Variants in RBFOX1 observed in about 807,000 individuals in gnomAD.
The protein encoded by RBFOX1 is RNA binding protein fox-1 homolog 1.
In RBFOX1, 8 loss-of-function variants were observed where a neutral mutation model predicts 57.7. That is an observed-to-expected ratio of 0.14 (90% CI 0.08 to 0.25). The LOEUF is 0.25. Among genes scored for constraint, RBFOX1 ranks in the 10% least tolerant of loss-of-function variants. RBFOX1 has a pLI of 1.00. For synonymous variants in RBFOX1, 326 were observed against 222.4 expected (o/e 1.47, Z -4.15); for missense variants, 611 against 548.5 (o/e 1.11, Z -1.14).
At chr16:6,307,559 A>G (rs1332592033) in intron 1 of RBFOX1, among the ~76,000 whole-genome samples, 1 of 148,908 alleles carries the variant, frequency 6.7e-6, no homozygotes, top group African/African-American at 2.4e-5. Context: ...ATTATATAAT[A>G]TCATTTAATA....
intron 4 of RBFOX1, among the ~76,000 whole-genome samples, chr16:5,900,143 T>C (rs2058270818): frequency 6.6e-6 from 1 of 152,126 alleles, no homozygotes; most frequent in Non-Finnish European, 1.5e-5. Context: ...ATTGTACCTT[T>C]GTTTGGGCAG....
intron 4 of RBFOX1, among the ~76,000 whole-genome samples, chr16:7,301,754 A>T (rs2096039724): frequency 6.6e-6 from 1 of 152,178 alleles, no homozygotes; most frequent in Non-Finnish European, 1.5e-5. Context: ...AGAAAAAAAA[A>T]TAAAGGAAAG....
chr16:5,554,757 C>G (rs1464458093), intron 2 of RBFOX1, among the ~76,000 whole-genome samples: 2 of 152,176 alleles, frequency 1.3e-5, no homozygotes, highest in Non-Finnish European at 2.9e-5. Flanking sequence ...CAAAGAGAAG[C>G]AAGGAATGAA....
At chr16:6,616,876 T>C (rs1245104790) in intron 2 of RBFOX1, among the ~76,000 whole-genome samples, 1 of 152,248 alleles carries the variant, frequency 6.6e-6, no homozygotes, top group Non-Finnish European at 1.5e-5. Context: ...CCTCTGTCTG[T>C]TTATGTAAAT....
intron 5 of RBFOX1, among the ~76,000 whole-genome samples, chr16:7,564,578 C>T (rs2091247914): frequency 7.4e-6 from 1 of 135,234 alleles, no homozygotes; most frequent in Non-Finnish European, 1.5e-5. Context: ...AGGCACTCAT[C>T]TGCAAGCCAG....
Position 7,304,131 on chromosome 16 carries a change from C to T in RBFOX1, c.28-214016C>T, listed in dbSNP as rs556433672. The T allele has an allele frequency of 6.2e-5, 51 of 826,930 alleles. No homozygotes were observed. In the South Asian group the frequency reaches 2.5e-3, roughly 41 times the overall value. 51.2% of individuals were successfully genotyped at this position (826,930 alleles called of 1,614,324 possible). A position where few individuals can be genotyped will look rare whatever the true frequency, so the allele number is the denominator to read the frequency against. On this transcript the variant is annotated intron_variant, in intron 4 of 15. Transcript: ENST00000550418. ...CGCCGGGATCTAGCACATCCCCAGG[C>T]GGGGAGAGCCAGGGAGGAGGGACCG...
chr16:5,691,133 G>C (rs1409790821), intron 3 of RBFOX1, among the ~76,000 whole-genome samples: 2 of 152,328 alleles, frequency 1.3e-5, no homozygotes. Flanking sequence ...CTTAGAGATA[G>C]TTGTTAAGTT....
At chr16:7,478,538 T>A (rs2151138088) in intron 4 of RBFOX1, among the ~76,000 whole-genome samples, 1 of 152,302 alleles carries the variant, frequency 6.6e-6, no homozygotes, top group East Asian at 1.9e-4. Flanking sequence ...TGAAGTTCCT[T>A]CTAACCCTGA....
intron 1 of RBFOX1, among the ~76,000 whole-genome samples, chr16:6,266,844 T>A (rs1358574136): frequency 6.6e-6 from 1 of 152,288 alleles, no homozygotes; most frequent in Admixed American, 6.5e-5. Flanking sequence ...TCATAATTAG[T>A]TTTTTTGTCT....
chr16:6,570,625 A>G (rs1426345732), intron 2 of RBFOX1, among the ~76,000 whole-genome samples: 3 of 152,226 alleles, frequency 2.0e-5, no homozygotes, highest in African/African-American at 2.4e-5. Flanking sequence ...TTAACAGCAT[A>G]TAAAGACAAA....
chr16:6,946,479 G>T (rs1245360287), intron 3 of RBFOX1, among the ~76,000 whole-genome samples: 1 of 152,162 alleles, frequency 6.6e-6, no homozygotes, highest in South Asian at 2.1e-4. Flanking sequence ...TGGGCTTTCT[G>T]CATAGCCTGT....
intron 4 of RBFOX1, among the ~76,000 whole-genome samples, chr16:7,327,239 A>T (rs2096623089): frequency 6.6e-6 from 1 of 152,226 alleles, no homozygotes; most frequent in African/African-American, 2.4e-5. Flanking sequence ...TCTGCATAGC[A>T]GGCAAGTTTA....
intron 1 of RBFOX1, among the ~76,000 whole-genome samples, chr16:6,205,934 C>G (rs1196206392): frequency 7.3e-6 from 1 of 137,284 alleles, no homozygotes; most frequent in Non-Finnish European, 1.5e-5. Context: ...TTTTTGATAG[C>G]CAGTGCACCT....
intron 14 of RBFOX1, among the ~76,000 whole-genome samples, chr16:7,701,086 T>C (rs2080533542): frequency 6.6e-6 from 1 of 151,966 alleles, no homozygotes; most frequent in Admixed American, 6.6e-5. Context: ...AATCACGAGG[T>C]TGAAAAATGT....
intron 2 of RBFOX1, among the ~76,000 whole-genome samples, chr16:6,424,787 C>T (rs1034531395): frequency 6.6e-6 from 1 of 152,104 alleles, no homozygotes; most frequent in Non-Finnish European, 1.5e-5. Flanking sequence ...AATGACGTTG[C>T]AACCATGGTA....
At chr16:7,097,515 A>G (rs1465330552) in intron 4 of RBFOX1, among the ~76,000 whole-genome samples, 1 of 152,136 alleles carries the variant, frequency 6.6e-6, no homozygotes, top group Non-Finnish European at 1.5e-5. Flanking sequence ...TTTAATTGAG[A>G]AGTGTTAGAG....
At chr16:5,437,148 G>A (rs60347758) in intron 1 of RBFOX1, among the ~76,000 whole-genome samples, 12,638 of 152,128 alleles carry the variant, frequency 0.083, 1,054 homozygotes, top group African/African-American at 0.22. Flanking sequence ...GCATTGACTT[G>A]GAATTCTGAG....
intron 1 of RBFOX1, chr16:5,270,832 G>A (rs1056243283): frequency 1.4e-5 from 6 of 431,320 alleles, no homozygotes; most frequent in East Asian, 1.2e-4. Flanking sequence ...GAGAACCCTT[G>A]GTTTGAAAGG....
chr16:5,744,865 C>G (rs955024328), intron 3 of RBFOX1, among the ~76,000 whole-genome samples: 4 of 152,210 alleles, frequency 2.6e-5, no homozygotes, highest in Non-Finnish European at 4.4e-5. Flanking sequence ...TCAAACAATT[C>G]TCCTGCCTCA....
Sources: gnomAD v4.1 joint callset for allele counts (sites outside exome capture counted in the v4.1 genomes callset) on GRCh38, gnomAD v4.1.1 for gene constraint, MANE v1.5 for transcripts, NCBI Gene and HGNC (gene_info 2026-07-23, HGNC 2026-07-21) for gene names.